TFRC: variants seen among roughly 807,000 people sequenced by gnomAD.
TFRC encodes the protein transferrin receptor protein 1.
Under a neutral mutation model 85.8 loss-of-function variants are expected in TFRC, and 35 were observed. That is an observed-to-expected ratio of 0.41 (90% CI 0.31 to 0.54). The LOEUF is 0.54. TFRC is among the 20% of genes least tolerant of loss of function. TFRC has a pLI of 0.31. For synonymous variants in TFRC, 362 were observed against 328.6 expected, an observed-to-expected ratio of 1.10 and a Z score of -1.10; for missense variants, 828 against 921.5, an observed-to-expected ratio of 0.90 and a Z score of 1.31.
In TFRC at chr3:196,074,031, C is replaced by T. The variant is rs1356091984; in HGVS notation, c.333G>A (p.Glu111=). ...LAGTESPVRE[E]PGEDFPAARR... is the part of the protein sequence containing the mutation. ...GTGCTGCAGGGAAGTCCTCTCCTGG[C>T]TCCTCCCTCACTGGAGACTCGGTTC... Residue 111 remains glutamate (E), a synonymous_variant, in exon 4 of 19, where the codon GAG becomes GAA. Transcript: ENST00000360110. 3 of 1,614,174 alleles carry T rather than the reference C, an allele frequency of 1.9e-6. No individual in the cohort carries two copies. Among genetic ancestry groups the T allele is most frequent in the East Asian group, 4.5e-5 (2 of 44,892 alleles).
At chr3:196,055,397 C>A in intron 16 of TFRC, 96 bp from the exon 17 acceptor site, 1 of 989,728 alleles carries the variant, frequency 1.0e-6, no homozygotes, top group East Asian at 2.4e-5. Context: ...GACGACAGTT[C>A]CACCCTTGCT....
rs370051440 is a variant in TFRC at position 196,069,608 on chromosome 3, C to T, written c.688-40G>A. The T allele has an allele frequency of 1.1e-4, 140 of 1,241,564 alleles. No individual in the cohort carries two copies. The African/African-American group carries it at 1.3e-3, about 11-fold the overall frequency. The allele number at this position is 1,241,564 out of a possible 1,614,324, so 76.9% of individuals were successfully genotyped here. A position where few individuals can be genotyped will look rare whatever the true frequency, so the allele number is the denominator to read the frequency against. ...TTAGATTTAATGAGCATTATGGTAT[C>T]GGAACAGCTCTAAAATCTTGAGACA... On this transcript the variant is annotated intron_variant, in intron 6 of 18. Coordinates refer to ENST00000360110, the MANE Select transcript of TFRC (RefSeq NM_001128148.3).
rs949161198 is a variant in TFRC at position 196,049,500 on chromosome 3, T to C, written c.*2442A>G. The C allele has an allele frequency of 1.8e-5, 4 of 219,656 alleles. No homozygotes were observed. The highest frequency in any genetic ancestry group is 2.7e-5 in the Non-Finnish European group (3 of 109,542). The allele number at this position is 219,656 out of a possible 1,614,324, so 13.6% of individuals were successfully genotyped here. ...TTATCCTTTACCTCCAAAAGGCCCATCTCCTTAACGAGAAGACATCTCAAG... is the reference window on the plus strand; with the variant it reads ...TTATCCTTTACCTCCAAAAGGCCCACCTCCTTAACGAGAAGACATCTCAAG... On this transcript the variant is annotated 3_prime_UTR_variant, in exon 19 of 19. Coordinates refer to ENST00000360110, the MANE Select transcript of TFRC (RefSeq NM_001128148.3).
At chr3:196,068,201 T>C in intron 7 of TFRC, 71 bp from the exon 8 acceptor site, 2 of 1,124,472 alleles carry the variant, frequency 1.8e-6, no homozygotes, top group Non-Finnish European at 2.6e-6. Context: ...TCCTGGACAT[T>C]ATGCTAAAGG....
At chr3:196,065,134 T>C (rs1180895853) in intron 10 of TFRC, among the ~76,000 whole-genome samples, 1 of 151,794 alleles carries the variant, frequency 6.6e-6, no homozygotes, top group Admixed American at 6.6e-5. Context: ...TGGTGGCGCA[T>C]GCCTGTAATC....
At chr3:196,070,807 T>TAATAATAATAAAAAA (rs978226944) in intron 6 of TFRC, among the ~76,000 whole-genome samples, 6 of 144,562 alleles carry the variant, frequency 4.2e-5, no homozygotes, top group Non-Finnish European at 7.5e-5. Flanking sequence ...ATAATAATAA[T>TAATAATAATAAAAAA]AAAATAAAAA....
chr3:196,079,086 G>A (rs1157167230), intron 1 of TFRC, among the ~76,000 whole-genome samples: 2 of 152,118 alleles, frequency 1.3e-5, no homozygotes, highest in Non-Finnish European at 2.9e-5. Context: ...TCGAAGGCGT[G>A]AGCCACTGCG....
chr3:196,057,791 AAAAAAAACAAAAC>A (rs964836772), intron 16 of TFRC, among the ~76,000 whole-genome samples: 4 of 151,194 alleles, frequency 2.6e-5, no homozygotes, highest in African/African-American at 9.8e-5. Flanking sequence ...CAAAAAAAAA[AAAAAAAACAAAAC>A]AAAAAACAAA....
At position 196,052,179 on chromosome 3, in the gene TFRC, C is replaced by T; in HGVS notation, c.2046G>A (p.Glu682=). 6.2e-7 allele frequency: 1 copy of T among 1,613,400 alleles called. No homozygotes were observed. The highest frequency in any genetic ancestry group is 1.1e-5 in the South Asian group (1 of 91,006). Residue 682 remains glutamate (E), a synonymous_variant, in exon 19 of 19, where the codon GAG becomes GAA. Coordinates refer to ENST00000360110, the MANE Select transcript of TFRC (RefSeq NM_001128148.3). ...KKLNDRVMRV[E]YHFLSPYVSP... ...ATACGTAGGGAGAGAGGAAGTGATA[C>T]TCCACCTACGAAAACAACACACAAG...
At chr3:196,076,544 G>A (rs1424963379) in intron 2 of TFRC, among the ~76,000 whole-genome samples, 2 of 150,924 alleles carry the variant, frequency 1.3e-5, no homozygotes, top group Admixed American at 6.6e-5. Context: ...CCGCCTCCCG[G>A]GTTCAAGCAA....
At chr3:196,057,881 C>CA (rs1306761257) in intron 16 of TFRC, 1 of 150,800 alleles carries the variant, frequency 6.6e-6, no homozygotes, top group African/African-American at 2.4e-5. Context: ...CTAGTGTTAA[C>CA]AAAAATGCAA....
intron 13 of TFRC, chr3:196,060,480 A>T (rs1215630706): frequency 4.2e-6 from 2 of 476,760 alleles, no homozygotes; most frequent in African/African-American, 4.0e-5. Flanking sequence ...GCATACTTTA[A>T]TCCAAGTCAC....
At position 196,055,209 on chromosome 3, in the gene TFRC, A is replaced by G. The variant is rs1442596809; in HGVS notation, c.1770T>C (p.Ala590=). 1.2e-6 allele frequency: 2 copies of G among 1,614,088 alleles called. No homozygotes were observed. Among genetic ancestry groups the G allele is most frequent in the Non-Finnish European group, 1.7e-6 (2 of 1,180,048 alleles). The change falls in exon 17 of 19, where the codon GCT becomes GCC. Residue 590 remains alanine, a synonymous_variant. Transcript: ENST00000360110. ...IPELNKVARA[A]AEVAGQFVIK... ...TCACGAACTGACCAGCGACCTCTGCAGCTGCTCGTGCCACTTTGTTCAACT... is the reference window on the plus strand; with the variant it reads ...TCACGAACTGACCAGCGACCTCTGCGGCTGCTCGTGCCACTTTGTTCAACT...
rs141330778 is a variant in TFRC, at chr3:196,055,789, C to T, written c.1678-488G>A. Among the ~76,000 whole-genome samples, 4 of 148,390 alleles carry T rather than the reference C, an allele frequency of 2.7e-5. No individual in the cohort carries two copies. The East Asian group carries it at 8.1e-4, about 30-fold the overall frequency. On this transcript the variant is annotated intron_variant, in intron 16 of 18. Coordinates refer to ENST00000360110, the MANE Select transcript of TFRC (RefSeq NM_001128148.3). ...GCAATGCAATCATGACTCCCCGCAG[C>T]CTTGAGACAAGGTCTCTGTCACCCA... is the stretch of plus-strand genomic sequence containing the variant.
At position 196,050,914 on chromosome 3, in the gene TFRC, T is replaced by A; in HGVS notation, c.*1028A>T. The A allele has an allele frequency of 5.0e-6, 1 of 200,676 alleles. No individual in the cohort carries two copies. The allele number at this position is 200,676 out of a possible 1,614,324, so 12.4% of individuals were successfully genotyped here. ...TTGACCATAAATGCAAAACTTCCAGTATCTGTTGGGTTTTATTAGCAGATG... is the reference window on the plus strand; with the variant it reads ...TTGACCATAAATGCAAAACTTCCAGAATCTGTTGGGTTTTATTAGCAGATG... On this transcript the variant is annotated 3_prime_UTR_variant, in exon 19 of 19. Coordinates refer to ENST00000360110, the MANE Select transcript of TFRC (RefSeq NM_001128148.3).
rs756204477 is a variant in TFRC, at chr3:196,075,156, C to T, written c.238+3G>A. On this transcript the variant is annotated splice_donor_region_variant and intron_variant, in intron 3 of 18. Transcript: ENST00000360110. ...CATTGAAGTTTGGAATGGTCATTCT[C>T]ACCAATCAAGAAAAAGACGATCACA... 1 of 1,612,332 alleles carries T rather than the reference C, an allele frequency of 6.2e-7. No homozygotes were observed. Among genetic ancestry groups the T allele is most frequent in the African/African-American group, 1.3e-5 (1 of 74,812 alleles).
chr3:196,071,472 T>C lies in TFRC; in HGVS notation c.611A>G (p.Asp204Gly). Residue 204 changes from aspartate (D) to glycine (G), a missense_variant, in exon 6 of 19, where the codon GAT (aspartate) becomes GGT (glycine). Transcript: ENST00000360110. ...CAGGTAAACAAGTCTACCGTTCTTATCAACTATGATCACCGAGTTTTGAGC... is the reference window on the plus strand; with the variant it reads ...CAGGTAAACAAGTCTACCGTTCTTACCAACTATGATCACCGAGTTTTGAGC... ...DSAQNSVIIV[D>G]KNGRLVYLVE... The C allele has an allele frequency of 6.2e-7, 1 of 1,614,106 alleles. No homozygotes were observed. Among genetic ancestry groups the C allele is most frequent in the South Asian group, 1.1e-5 (1 of 91,086 alleles).
At chr3:196,068,498 C>T (rs1451432249) in intron 7 of TFRC, among the ~76,000 whole-genome samples, 1 of 147,036 alleles carries the variant, frequency 6.8e-6, no homozygotes, top group African/African-American at 2.5e-5. Flanking sequence ...GTATTCCCAG[C>T]TATTTGGGAA....
intron 13 of TFRC, 52 bp from the exon 14 acceptor site, chr3:196,060,299 C>A (rs777559510): frequency 6.9e-7 from 1 of 1,439,060 alleles, no homozygotes; most frequent in Admixed American, 1.7e-5. Flanking sequence ...ATAATTTTCA[C>A]ACTGCTACTT....
Sources: allele counts gnomAD v4.1 joint callset (sites outside exome capture counted in the v4.1 genomes callset), GRCh38; gene constraint gnomAD v4.1.1; transcripts MANE v1.5; gene names NCBI Gene and HGNC (gene_info 2026-07-23, HGNC 2026-07-21).